The following CAND2 variants were observed in gnomAD, a reference collection of about 807,000 sequenced individuals.
The protein encoded by CAND2 is cullin associated and neddylation dissociated 2 (putative), also known as cullin-associated NEDD8-dissociated protein 2.
CAND2 carries 62 observed loss-of-function variants against 98.9 expected under a neutral mutation model. The observed-to-expected ratio is 0.63, with a 90% CI of 0.51 to 0.77. The LOEUF (loss-of-function observed/expected upper bound fraction) is 0.77. Among genes scored for constraint, CAND2 ranks in the 30% least tolerant of loss-of-function variants. The pLI is 0.00. For missense variants in CAND2, 1,501 were observed against 1,655.2 expected (o/e 0.91, Z 1.62); for synonymous variants, 770 against 731.9 (o/e 1.05, Z -0.84).
intron 13 of CAND2, among the ~76,000 whole-genome samples, chr3:12,829,364 C>G (rs1159947856): frequency 6.6e-6 from 1 of 152,146 alleles, no homozygotes; most frequent in African/African-American, 2.4e-5. Context: ...CTAGGCTGGT[C>G]TTGAACTCCT....
intron 2 of CAND2, 142 bp from the exon 3 acceptor site, chr3:12,807,164 C>G (rs940104356): frequency 1.4e-6 from 1 of 692,078 alleles, no homozygotes; most frequent in Admixed American, 3.1e-5. Context: ...GTATCTCTTT[C>G]TGGCCAAACA....
chr3:12,799,892 G>C lies in CAND2; in HGVS notation c.68+3104G>C, dbSNP rs2061753998. Reference sequence around the variant, plus strand: ...GTCATCCTTGAGCTGGGACATTTGAGCTGGGCTCTTGATGGGTGAATAGGA... The same window carrying C: ...GTCATCCTTGAGCTGGGACATTTGACCTGGGCTCTTGATGGGTGAATAGGA... On this transcript the variant is annotated intron_variant, in intron 1 of 14. Coordinates refer to ENST00000456430, the MANE Select transcript of CAND2 (RefSeq NM_001162499.2). Among the ~76,000 whole-genome samples, 3 of 151,360 alleles carry C rather than the reference G, an allele frequency of 2.0e-5. No individual in the cohort carries two copies. The South Asian group carries it at 6.2e-4, about 31-fold the overall frequency.
chr3:12,819,573 C>T (rs1213773021), intron 10 of CAND2, among the ~76,000 whole-genome samples: 1 of 152,228 alleles, frequency 6.6e-6, no homozygotes, highest in Non-Finnish European at 1.5e-5. Flanking sequence ...CCTCCCTGAC[C>T]ACCAGCCAGA....
chr3:12,828,992 A>G (rs150649122), intron 13 of CAND2, among the ~76,000 whole-genome samples: 277 of 152,304 alleles, frequency 1.8e-3, no homozygotes, highest in Non-Finnish European at 3.0e-3. Context: ...TCTGGCTATT[A>G]TGAGTAATGC....
intron 1 of CAND2, among the ~76,000 whole-genome samples, chr3:12,799,096 A>G (rs755127938): frequency 6.6e-6 from 1 of 152,200 alleles, no homozygotes; most frequent in Non-Finnish European, 1.5e-5. Flanking sequence ...TTGAAAACAC[A>G]GTAGTATTAT....
At chr3:12,830,332 A>G (rs948142108) in intron 13 of CAND2, among the ~76,000 whole-genome samples, 1 of 152,226 alleles carries the variant, frequency 6.6e-6, no homozygotes. Context: ...AAAGCTGAAC[A>G]GGACTTTCCA....
At position 12,820,155 on chromosome 3, in the gene CAND2, T is replaced by C; in HGVS notation, c.3014T>C (p.Ile1005Thr). ...CTTATCTCGGACCAGCCCCATCCCA[T>C]TGACCCCCTCCTGAAGAGCTTCATC... ...KFLISDQPHP[I>T]DPLLKSFIGE... The change falls in exon 11 of 15, where the codon ATT (isoleucine) becomes ACT (threonine). Residue 1005 changes from isoleucine (I) to threonine (T), a missense_variant. This residue lies in a region of CAND2 where 1,427 missense variants were observed against 1,545.3 expected (regional missense o/e 0.92). Coordinates refer to ENST00000456430, the MANE Select transcript of CAND2 (RefSeq NM_001162499.2). 6.2e-7 allele frequency: 1 copy of C among 1,614,104 alleles called. No individual in the cohort carries two copies. The highest frequency in any genetic ancestry group is 1.1e-5 in the South Asian group (1 of 91,078).
rs74442442 is a variant in CAND2, at chr3:12,830,948, T to G, written c.3376-517T>G. ...CTTCTTTGTGAGGACTTGACTATTT[T>G]CAAAAGACAGGACAATTATTCCCCT... On this transcript the variant is annotated intron_variant, in intron 13 of 14. Transcript: ENST00000456430. 3.8e-4 allele frequency among the ~76,000 whole-genome samples: 58 copies of G among 152,334 alleles called. 1 individual carries two copies. In the East Asian group the frequency reaches 8.9e-3, roughly 23 times the overall value.
chr3:12,817,794 G>T lies in CAND2; in HGVS notation c.2862G>T (p.Gly954=). ...AGGGTGCTGAGGAGGGCACCCGGGGGGTGGTGGCCGAGTGCATTGGGAAGC... is the reference window on the plus strand; with the variant it reads ...AGGGTGCTGAGGAGGGCACCCGGGGTGTGGTGGCCGAGTGCATTGGGAAGC... The part of the protein sequence containing the change: ...RCEGAEEGTR[G]VVAECIGKLV... Residue 954 remains glycine (G), a synonymous_variant, in exon 10 of 15, where the codon GGG becomes GGT. Transcript: ENST00000456430. 1 of 1,529,170 alleles carries T rather than the reference G, an allele frequency of 6.5e-7. No individual in the cohort carries two copies. The highest frequency in any genetic ancestry group is 8.8e-7 in the Non-Finnish European group (1 of 1,139,996). 94.7% of individuals were successfully genotyped at this position (1,529,170 alleles called of 1,614,324 possible). A position where few individuals can be genotyped will look rare whatever the true frequency, so the allele number is the denominator to read the frequency against.
Position 12,833,996 on chromosome 3 carries a change from A to G in CAND2, c.*14A>G, listed in dbSNP as rs1006690669. 6.2e-7 allele frequency: 1 copy of G among 1,608,080 alleles called. No individual in the cohort carries two copies. Among genetic ancestry groups the G allele is most frequent in the Non-Finnish European group, 8.5e-7 (1 of 1,174,682 alleles). On this transcript the variant is annotated 3_prime_UTR_variant, in exon 15 of 15. Transcript: ENST00000456430. ...GAGCTCAGCTAGTCCCCTCAGCACC[A>G]AGGTGGGCCCTCGCTTAAGAGAAAG... is the stretch of plus-strand genomic sequence containing the variant.
At position 12,815,943 on chromosome 3, in the gene CAND2, T is replaced by TC; in HGVS notation, c.1378dup (p.Leu460ProfsTer54). 6.2e-7 allele frequency: 1 copy of TC among 1,613,764 alleles called. No homozygotes were observed. ...AGAGCCCGCCAGGGATGCTTCAGCC[T>TC]CCTCACCGAGCTGGCGGGTGTCCTC... On this transcript the variant is annotated frameshift_variant, in exon 9 of 15. Coordinates refer to ENST00000456430, the MANE Select transcript of CAND2 (RefSeq NM_001162499.2). LOFTEE classifies it high-confidence loss of function. This position sits in a 1 kb window ranked among gnomAD's most constrained non-coding sequence, Gnocchi z 5.7.
intron 2 of CAND2, among the ~76,000 whole-genome samples, chr3:12,804,990 A>C (rs966111759): frequency 6.6e-6 from 1 of 152,254 alleles, no homozygotes; most frequent in African/African-American, 2.4e-5. Flanking sequence ...TTTATAACAA[A>C]TAGTTTGTAA....
At chr3:12,825,226 C>T (rs7629133) in intron 11 of CAND2, among the ~76,000 whole-genome samples, 100,649 of 151,808 alleles carry the variant, frequency 0.66, 33,660 homozygotes, top group Non-Finnish European at 0.68. Flanking sequence ...GACATTGAGG[C>T]TCTCCAAGGT....
chr3:12,821,062 T>C (rs4429609), intron 11 of CAND2, among the ~76,000 whole-genome samples: 110,808 of 151,984 alleles, frequency 0.73, 41,602 homozygotes, highest in African/African-American at 0.92. Flanking sequence ...GGTGAAACCC[T>C]GTCTCTACTA....
chr3:12,817,035 C>A lies in CAND2; in HGVS notation c.2103C>A (p.Ala701=), dbSNP rs1268777693. 1 of 1,613,084 alleles carries A rather than the reference C, an allele frequency of 6.2e-7. No homozygotes were observed. Among genetic ancestry groups the A allele is most frequent in the East Asian group, 2.2e-5 (1 of 44,876 alleles). Residue 701 remains alanine, a synonymous_variant, in exon 10 of 15, where the codon GCC becomes GCA. Coordinates refer to ENST00000456430, the MANE Select transcript of CAND2 (RefSeq NM_001162499.2). ...AGGCCGTGCTGGCTGAGCTGCCTGC[C>A]CTGGTCAACGAGAGCGACATGCATG... ...AVQAVLAELP[A]LVNESDMHVA... is the part of the protein sequence containing the mutation.
chr3:12,818,323 G>A (rs2061926531), intron 10 of CAND2, among the ~76,000 whole-genome samples: 1 of 152,140 alleles, frequency 6.6e-6, no homozygotes, highest in Non-Finnish European at 1.5e-5. Flanking sequence ...GATGTGGACA[G>A]TAGCTTAGTG....
intron 7 of CAND2, among the ~76,000 whole-genome samples, chr3:12,813,655 A>C (rs985444793): frequency 2.0e-5 from 3 of 152,268 alleles, no homozygotes; most frequent in African/African-American, 7.2e-5. Flanking sequence ...ACAAGGACAC[A>C]TACTGAGAAG....
At position 12,815,853 on chromosome 3, in the gene CAND2, C is replaced by T. The variant is rs2061894473; in HGVS notation, c.1300-14C>T. ...GGGTGTTCCCTGACCTTGACTTCCCCCTCCTGCCCACAGGTGCCCCTTGTG... is the reference window on the plus strand; with the variant it reads ...GGGTGTTCCCTGACCTTGACTTCCCTCTCCTGCCCACAGGTGCCCCTTGTG... On this transcript the variant is annotated splice_polypyrimidine_tract_variant and intron_variant, in intron 8 of 14. Transcript: ENST00000456430. The surrounding 1 kb of genome is among the most constrained non-coding windows in gnomAD (Gnocchi z 5.7). 1 of 1,608,934 alleles carries T rather than the reference C, an allele frequency of 6.2e-7. No individual in the cohort carries two copies.
At chr3:12,812,421 G>A (rs1433965904) in intron 5 of CAND2, among the ~76,000 whole-genome samples, 3 of 95,862 alleles carry the variant, frequency 3.1e-5, no homozygotes, top group Non-Finnish European at 6.0e-5. Context: ...TTTTTGAGAC[G>A]GAGTCTCGCT....
Sources: gnomAD v4.1 joint callset for allele counts (sites outside exome capture counted in the v4.1 genomes callset) on GRCh38, gnomAD v4.1.1 for gene constraint, gnomAD v4.1.1 regional missense constraint, Gnocchi (gnomAD v3.1) non-coding constraint, MANE v1.5 for transcripts, NCBI Gene and HGNC (gene_info 2026-07-23, HGNC 2026-07-21) for gene names.